The following HELQ variants were observed in gnomAD, a reference collection of about 807,000 sequenced individuals.
HELQ encodes helicase POLQ-like.
Under a neutral mutation model 111.6 loss-of-function variants are expected in HELQ, and 77 were observed. The ratio of observed to expected loss-of-function variants is 0.69; its 90% CI spans 0.57 to 0.83. HELQ has a LOEUF of 0.83. HELQ is among the 40% of genes least tolerant of loss of function. HELQ has a pLI of 0.00. For missense variants in HELQ, 1,200 were observed against 1,288.5 expected (o/e 0.93, Z 1.05); for synonymous variants, 438 against 454.7 (o/e 0.96, Z 0.47).
chr4:83,424,640 C>T (rs1719746960), intron 14 of HELQ, among the ~76,000 whole-genome samples: 2 of 152,052 alleles, frequency 1.3e-5, no homozygotes, highest in Admixed American at 1.3e-4. Context: ...CTTACTGCAA[C>T]CTCTGCCTCC....
At chr4:83,424,347 G>A (rs1215439577) in intron 14 of HELQ, among the ~76,000 whole-genome samples, 2 of 152,106 alleles carry the variant, frequency 1.3e-5, no homozygotes, top group Non-Finnish European at 2.9e-5. Flanking sequence ...CATTTTGAAG[G>A]TCTAAACAGC....
chr4:83,438,199 A>C (rs1371573193), intron 8 of HELQ, among the ~76,000 whole-genome samples: 1 of 152,248 alleles, frequency 6.6e-6, no homozygotes, highest in Non-Finnish European at 1.5e-5. Flanking sequence ...CATTCAGGTT[A>C]ATAGACTATG....
intron 1 of HELQ, among the ~76,000 whole-genome samples, chr4:83,454,422 G>C (rs1046326156): frequency 6.6e-6 from 1 of 151,936 alleles, no homozygotes; most frequent in African/African-American, 2.4e-5. Context: ...TTTTGAGACA[G>C]GGTCTGGCTC....
intron 17 of HELQ, among the ~76,000 whole-genome samples, chr4:83,416,136 T>TG (rs540309195): frequency 0.015 from 2,186 of 146,164 alleles, 22 homozygotes; most frequent in Non-Finnish European, 0.023. Context: ...TTAGTGGAGA[T>TG]GGGGTTTCAC....
rs113244882 is a variant in HELQ, at chr4:83,435,987, G to A, written c.2048+871C>T. 9.1e-3 allele frequency among the ~76,000 whole-genome samples: 1,344 copies of A among 148,476 alleles called. 19 individuals carry two copies. Among genetic ancestry groups the A allele is most frequent in the African/African-American group, 0.032 (1,268 of 40,222 alleles). ...TACATACGTGGCAAAAAAAAAAAAT[G>A]AGTCCTGGTATTCAAAGCAAAATTA... is the stretch of plus-strand genomic sequence containing the variant. On this transcript the variant is annotated intron_variant, in intron 9 of 17. Transcript: ENST00000295488.
At chr4:83,445,646 C>T (rs902437299) in intron 5 of HELQ, among the ~76,000 whole-genome samples, 2 of 152,152 alleles carry the variant, frequency 1.3e-5, no homozygotes, top group Admixed American at 6.5e-5. Context: ...GTAGCAGCAG[C>T]AAACCCTTAC....
chr4:83,446,329 G>A (rs545262559), intron 4 of HELQ, among the ~76,000 whole-genome samples: 15 of 151,782 alleles, frequency 9.9e-5, no homozygotes, highest in Non-Finnish European at 1.5e-4. Flanking sequence ...TTTTTTAAAC[G>A]GAGTTTGGCT....
intron 5 of HELQ, among the ~76,000 whole-genome samples, chr4:83,445,658 G>C (rs1256286033): frequency 3.3e-5 from 5 of 152,118 alleles, no homozygotes; most frequent in African/African-American, 1.2e-4. Context: ...AACCCTTACT[G>C]AATGCAGTGT....
Position 83,448,946 on chromosome 4 carries a change from C to G in HELQ, c.1028G>C (p.Cys343Ser), listed in dbSNP as rs751135697. ...IEKLYEWQHT[C>S]LTLNSVQERK... is the part of the protein sequence containing the mutation. ...TTCTTGCACAGAATTCAATGTTAAA[C>G]AAGTATGTTGCCATTCTGTGGAATT... is the stretch of plus-strand genomic sequence containing the variant. Residue 343 changes from cysteine to serine, a missense_variant, in exon 3 of 18, where the codon TGT becomes TCT. Around this residue, in one of 3 missense-constraint regions of HELQ, gnomAD observed 610 missense variants for 607.1 expected, o/e 1.00. Coordinates refer to ENST00000295488, the MANE Select transcript of HELQ (RefSeq NM_133636.5). 1.9e-6 allele frequency: 3 copies of G among 1,593,366 alleles called. No individual in the cohort carries two copies. Among genetic ancestry groups the G allele is most frequent in the Non-Finnish European group, 1.7e-6 (2 of 1,168,376 alleles).
At chr4:83,432,889 C>T (rs1720230808) in intron 9 of HELQ, among the ~76,000 whole-genome samples, 1 of 151,504 alleles carries the variant, frequency 6.6e-6, no homozygotes, top group Admixed American at 6.6e-5. Context: ...TCTACAAAAA[C>T]AACAACAACA....
intron 2 of HELQ, among the ~76,000 whole-genome samples, chr4:83,452,957 T>C (rs570867447): frequency 3.3e-5 from 5 of 149,718 alleles, no homozygotes; most frequent in Non-Finnish European, 7.4e-5. Context: ...AACAACTTAT[T>C]ATCCCTTTCT....
intron 8 of HELQ, among the ~76,000 whole-genome samples, chr4:83,438,623 T>A (rs749411623): frequency 1.3e-5 from 2 of 151,768 alleles, no homozygotes; most frequent in Non-Finnish European, 2.9e-5. Flanking sequence ...GTGCCTGTAG[T>A]CCCAGCTACT....
Position 83,429,659 on chromosome 4 carries a change from G to T in HELQ, c.2383C>A (p.Leu795Ile). 2 of 1,613,006 alleles carry T rather than the reference G, an allele frequency of 1.2e-6. No homozygotes were observed. The highest frequency in any genetic ancestry group is 1.7e-6 in the Non-Finnish European group (2 of 1,179,222). The change falls in exon 12 of 18, where the codon CTC becomes ATC. Residue 795 changes from leucine (L) to isoleucine (I), a missense_variant. This residue lies in a region of HELQ where 585 missense variants were observed against 665.3 expected (regional missense o/e 0.88). Coordinates refer to ENST00000295488, the MANE Select transcript of HELQ (RefSeq NM_133636.5). ...QQKVLLKEKS[L>I]WEITVESLRY... ...AGTGATTCAACAGTTATTTCCCAGA[G>T]ACTTTTTTCTTTCAATAAAACCTTT...
rs11353264 is a variant in HELQ at position 83,450,664 on chromosome 4, CAA to C, written c.1013-1705_1013-1704del. Reference sequence around the variant, plus strand: ...ATATTTATGAATACAATCTTCACATCAAAAAAAAAAAAAAAAACTAGCCGGGT... The same window carrying C: ...ATATTTATGAATACAATCTTCACATCAAAAAAAAAAAAAAACTAGCCGGGT... On this transcript the variant is annotated intron_variant, in intron 2 of 17. Coordinates refer to ENST00000295488, the MANE Select transcript of HELQ (RefSeq NM_133636.5). Among the ~76,000 whole-genome samples, 816 of 120,062 alleles carry C rather than the reference CAA, an allele frequency of 6.8e-3. 8 individuals are homozygous for C. The highest frequency in any genetic ancestry group is 0.021 in the African/African-American group (752 of 35,810). 78.8% of individuals were successfully genotyped at this position (120,062 alleles called of 152,430 possible).
intron 14 of HELQ, 62 bp from the exon 15 acceptor site, chr4:83,421,798 A>G (rs1395545861): frequency 7.5e-7 from 1 of 1,336,650 alleles, no homozygotes; most frequent in African/African-American, 1.5e-5. Flanking sequence ...TGTTATTAAA[A>G]TTGGACAAAA....
At chr4:83,431,895 G>T in intron 10 of HELQ, 127 bp from the exon 11 acceptor site, 1 of 500,664 alleles carries the variant, frequency 2.0e-6, no homozygotes, top group Non-Finnish European at 3.4e-6. Flanking sequence ...AAAGACAAAA[G>T]AATTTAACAT....
chr4:83,417,206 C>CTTT (rs1176553232), intron 16 of HELQ, among the ~76,000 whole-genome samples: 3 of 139,874 alleles, frequency 2.1e-5, no homozygotes, highest in Non-Finnish European at 4.7e-5. Flanking sequence ...CTTTTCTTTT[C>CTTT]TTTTTTTTTT....
intron 8 of HELQ, 111 bp from the exon 9 acceptor site, chr4:83,437,208 C>T: frequency 9.8e-7 from 1 of 1,016,520 alleles, no homozygotes. Flanking sequence ...GTACTATTTC[C>T]ATTGAGTTAA....
intron 1 of HELQ, among the ~76,000 whole-genome samples, chr4:83,454,538 T>C (rs1413490356): frequency 6.6e-6 from 1 of 151,236 alleles, no homozygotes; most frequent in African/African-American, 2.4e-5. Flanking sequence ...GCCTCCCAAG[T>C]AGCTAGGACT....
Sources: allele counts gnomAD v4.1 joint callset (sites outside exome capture counted in the v4.1 genomes callset), GRCh38; gene constraint gnomAD v4.1.1; regional missense constraint gnomAD v4.1.1; transcripts MANE v1.5; gene names NCBI Gene and HGNC (gene_info 2026-07-23, HGNC 2026-07-21).